POTEE: variants seen among roughly 807,000 people sequenced by gnomAD.
POTEE encodes the protein ANKRD26-like family C member 1A.
Under a neutral mutation model 74.2 loss-of-function variants are expected in POTEE, and 21 were observed. The ratio of observed to expected loss-of-function variants is 0.28; its 90% CI spans 0.20 to 0.41. The LOEUF (loss-of-function observed/expected upper bound fraction) is 0.41, where lower values mean the gene tolerates loss of function less well. POTEE is among the 10% of genes least tolerant of loss of function. POTEE has a pLI of 1.00. For synonymous variants in POTEE, 211 were observed against 432.8 expected (o/e 0.49, Z 6.36); for missense variants, 525 against 1,158.6 (o/e 0.45, Z 7.94).
intron 6 of POTEE, among the ~76,000 whole-genome samples, chr2:131,226,593 TA>T (rs1416292977): frequency 3.4e-5 from 5 of 149,190 alleles, no homozygotes; most frequent in African/African-American, 5.1e-5. Context: ...AGTAAATGTT[TA>T]AAGTGAGTTT....
In POTEE at chr2:131,263,949, A is replaced by G. The variant is rs371030858; in HGVS notation, c.2494A>G (p.Met832Val). ...IMFETFNTPA[M>V]YVAIQAVPSL... ...GTTTGAGACCTTCAACACCCCAGCC[A>G]TGTACGTGGCCATCCAGGCCGTGCC... is the stretch of plus-strand genomic sequence containing the variant. The change falls in exon 18 of 18, where the codon ATG becomes GTG. Residue 832 changes from methionine to valine, a missense_variant. Physicochemically the swap from Met to Val is conservative, Grantham distance 21 (BLOSUM62 1). Transcript: ENST00000683005. The G allele has an allele frequency of 6.2e-7, 1 of 1,614,172 alleles. No homozygotes were observed. The highest frequency in any genetic ancestry group is 8.5e-7 in the Non-Finnish European group (1 of 1,180,028).
chr2:131,222,981 C>T (rs536715579), intron 4 of POTEE, among the ~76,000 whole-genome samples: 31 of 151,618 alleles, frequency 2.0e-4, no homozygotes, highest in African/African-American at 6.1e-4. Flanking sequence ...ATTTAAATGC[C>T]GCAAATTATA....
intron 2 of POTEE, among the ~76,000 whole-genome samples, chr2:131,213,521 A>C (rs62177513): frequency 0.53 from 79,728 of 151,566 alleles, 23,926 homozygotes; most frequent in East Asian, 0.69. Context: ...GAATATGTAT[A>C]AATACCACTA....
At chr2:131,217,442 C>A (rs1425217789) in intron 2 of POTEE, among the ~76,000 whole-genome samples, 147 bp from the exon 3 acceptor site, 1 of 119,468 alleles carries the variant, frequency 8.4e-6, no homozygotes, top group South Asian at 3.4e-4. Context: ...CTCCGTCAGC[C>A]CGAGCTCCCA....
At position 131,218,792 on chromosome 2, in the gene POTEE, G is replaced by T. The variant is rs1223463336; in HGVS notation, c.390G>T (p.Glu130Asp). 68 of 1,612,624 alleles carry T rather than the reference G, an allele frequency of 4.2e-5. No individual in the cohort carries two copies. Among genetic ancestry groups the T allele is most frequent in the Non-Finnish European group, 5.5e-5 (65 of 1,179,874 alleles). Residue 130 changes from glutamate (E) to aspartate (D), a missense_variant, in exon 4 of 18, where the codon GAG becomes GAT. Transcript: ENST00000683005. ...ACTACGATGACAGCGCCTTCATGGA[G>T]CCCAGGTACCACGTCCGTGGAGAAG... ...WGDYDDSAFMEPRYHVRGEDL... is the reference protein window; with the variant it reads ...WGDYDDSAFMDPRYHVRGEDL...
At chr2:131,225,264 C>G (rs545706884) in intron 6 of POTEE, among the ~76,000 whole-genome samples, 1 of 152,144 alleles carries the variant, frequency 6.6e-6, no homozygotes, top group South Asian at 2.1e-4. Context: ...TTCCTTGAAG[C>G]CAGGCATGGT....
At chr2:131,221,506 A>T (rs1700615783) in intron 4 of POTEE, among the ~76,000 whole-genome samples, 1 of 152,108 alleles carries the variant, frequency 6.6e-6, no homozygotes, top group Non-Finnish European at 1.5e-5. Flanking sequence ...CTGAAGTTTT[A>T]GTTAAAGTTC....
intron 6 of POTEE, among the ~76,000 whole-genome samples, chr2:131,225,830 C>A (rs1365112147): frequency 1.3e-5 from 2 of 152,004 alleles, no homozygotes; most frequent in Non-Finnish European, 2.9e-5. Context: ...CTGACCTAGT[C>A]TGACTTTTAT....
At chr2:131,222,643 C>A (rs1241100989) in intron 4 of POTEE, among the ~76,000 whole-genome samples, 4 of 151,968 alleles carry the variant, frequency 2.6e-5, no homozygotes, top group Admixed American at 2.0e-4. Context: ...GTCTTAAATC[C>A]TAATATGAAT....
intron 3 of POTEE, among the ~76,000 whole-genome samples, 70 bp downstream of exon 3, chr2:131,217,753 GCCGCACGCCGCACGCGCACGC>G (rs1391022622): frequency 1.6e-5 from 2 of 123,698 alleles, no homozygotes; most frequent in African/African-American, 6.3e-5. Context: ...CACGCCGCAC[GCCGCACGCCGCACGCGCACGC>G]CGCACGCGCA....
chr2:131,218,541 G>A lies in POTEE; in HGVS notation c.139G>A (p.Gly47Arg). ...ESGKSNVGTS[G>R]DHDDSAMKTL... ...CGGCAAGAGCAACGTGGGCACTTCTGGAGACCACGACGACTCTGCTATGAA... is the reference window on the plus strand; with the variant it reads ...CGGCAAGAGCAACGTGGGCACTTCTAGAGACCACGACGACTCTGCTATGAA... Residue 47 changes from glycine (G) to arginine (R), a missense_variant, in exon 4 of 18, where the codon GGA becomes AGA. Gly to Arg is a moderately radical substitution (Grantham distance 125). Transcript: ENST00000683005. 1 of 1,612,826 alleles carries A rather than the reference G, an allele frequency of 6.2e-7. No individual in the cohort carries two copies. Among genetic ancestry groups the A allele is most frequent in the Non-Finnish European group, 8.5e-7 (1 of 1,179,806 alleles).
rs200315167 is a variant in POTEE, at chr2:131,264,168, G to A, written c.2713G>A (p.Glu905Lys). Reference protein sequence around the residue: ...ERGYRFTTMAEREIVRDIKEK... With the variant: ...ERGYRFTTMAKREIVRDIKEK... Reference sequence around the variant, plus strand: ...TGGCTATAGGTTCACCACCATGGCCGAGCGGGAAATCGTGCGTGACATCAA... The same window carrying A: ...TGGCTATAGGTTCACCACCATGGCCAAGCGGGAAATCGTGCGTGACATCAA... The change falls in exon 18 of 18, where the codon GAG becomes AAG. Residue 905 changes from glutamate (E) to lysine (K), a missense_variant. Transcript: ENST00000683005. 5.9e-3 allele frequency: 9,558 copies of A among 1,613,862 alleles called. 6 individuals are homozygous for A. Among genetic ancestry groups the A allele is most frequent in the Non-Finnish European group, 5.7e-3 (6,753 of 1,179,702 alleles).
intron 8 of POTEE, among the ~76,000 whole-genome samples, chr2:131,230,054 G>A (rs1168559980): frequency 1.2e-4 from 19 of 152,198 alleles, no homozygotes; most frequent in African/African-American, 4.1e-4. Flanking sequence ...GTTTGAGTCT[G>A]TAGAGAAGGA....
intron 2 of POTEE, among the ~76,000 whole-genome samples, chr2:131,211,520 C>CTGTGTGTTTGTGTGTGTG (rs1553474100): frequency 2.0e-5 from 1 of 50,266 alleles, no homozygotes; most frequent in African/African-American, 5.8e-5. Context: ...TAGGGGGTGA[C>CTGTGTGTTTGTGTGTGTG]TGTGTGTGTG....
chr2:131,220,976 A>G (rs908010194), intron 4 of POTEE, among the ~76,000 whole-genome samples: 1 of 146,630 alleles, frequency 6.8e-6, no homozygotes, highest in African/African-American at 2.7e-5. Context: ...AAAAAAAAGA[A>G]AAAAAAAAAG....
chr2:131,221,064 A>C (rs1700602085), intron 4 of POTEE, among the ~76,000 whole-genome samples: 1 of 152,214 alleles, frequency 6.6e-6, no homozygotes, highest in Non-Finnish European at 1.5e-5. Flanking sequence ...TTAAAGTTTA[A>C]ATTGCTACAG....
At chr2:131,212,406 A>G (rs1434776601) in intron 2 of POTEE, among the ~76,000 whole-genome samples, 1 of 151,642 alleles carries the variant, frequency 6.6e-6, no homozygotes, top group African/African-American at 2.4e-5. Context: ...TCAGAGAATC[A>G]AAAAATGAAG....
chr2:131,237,863 C>T (rs1359988613), intron 10 of POTEE, among the ~76,000 whole-genome samples: 9 of 152,388 alleles, frequency 5.9e-5, no homozygotes, highest in South Asian at 2.1e-4. Flanking sequence ...AGATTTAACA[C>T]ATAACAAATT....
chr2:131,227,836 A>ATTG (rs754012166), intron 7 of POTEE, among the ~76,000 whole-genome samples: 1 of 148,714 alleles, frequency 6.7e-6, no homozygotes, highest in African/African-American at 2.6e-5. Flanking sequence ...TATTCTTACC[A>ATTG]TTATTATTAC....
Sources: gnomAD v4.1 joint callset for allele counts (sites outside exome capture counted in the v4.1 genomes callset) on GRCh38, gnomAD v4.1.1 for gene constraint, MANE v1.5 for transcripts, NCBI Gene and HGNC (gene_info 2026-07-23, HGNC 2026-07-21) for gene names.